The following TMEM181 variants were observed in gnomAD, a reference collection of about 807,000 sequenced individuals.
TMEM181 encodes transmembrane protein 181.
Under a neutral mutation model 71.9 loss-of-function variants are expected in TMEM181, and 39 were observed. The ratio of observed to expected loss-of-function variants is 0.54; its 90% CI spans 0.42 to 0.71. The LOEUF (loss-of-function observed/expected upper bound fraction) is 0.71. Among genes scored for constraint, TMEM181 ranks in the 30% least tolerant of loss-of-function variants. TMEM181 has a pLI of 0.00. For synonymous variants in TMEM181, 245 were observed against 228.8 expected (o/e 1.07, Z -0.64); for missense variants, 595 against 583.0 (o/e 1.02, Z -0.21).
chr6:158,601,266 A>G (rs1784654582), intron 6 of TMEM181, among the ~76,000 whole-genome samples: 1 of 152,226 alleles, frequency 6.6e-6, no homozygotes, highest in Non-Finnish European at 1.5e-5. Flanking sequence ...ATGCTATGAT[A>G]GGCCAGGCAT....
At chr6:158,627,830 G>A (rs1786415327) in intron 13 of TMEM181, among the ~76,000 whole-genome samples, 1 of 152,222 alleles carries the variant, frequency 6.6e-6, no homozygotes, top group South Asian at 2.1e-4. Context: ...AGGGTGGCAT[G>A]TGGGAGGTGA....
upstream of TMEM181, among the ~76,000 whole-genome samples, chr6:158,556,108 G>C (rs925734381): frequency 6.6e-6 from 1 of 152,156 alleles, no homozygotes; most frequent in African/African-American, 2.4e-5. Context: ...TACCAACAAG[G>C]ACTTTTCAGA....
At position 158,633,720 on chromosome 6, in the gene TMEM181, A is replaced by T. The variant is rs1340122719; in HGVS notation, c.*1832A>T. 4 of 152,220 alleles carry T rather than the reference A, an allele frequency of 2.6e-5. No individual in the cohort carries two copies. The highest frequency in any genetic ancestry group is 5.9e-5 in the Non-Finnish European group (4 of 68,034). The allele number at this position is 152,220 out of a possible 1,614,324, so 9.4% of individuals were successfully genotyped here. The stretch of plus-strand genomic sequence containing the variant: ...TATGGATTCTATTCACATTTGTTTT[A>T]AAAACCTTGTAAATATGAATGTTTA... On this transcript the variant is annotated 3_prime_UTR_variant, in exon 17 of 17. Transcript: ENST00000684151.
intron 8 of TMEM181, 55 bp from the exon 9 acceptor site, chr6:158,608,278 T>C: frequency 6.2e-7 from 1 of 1,610,386 alleles, no homozygotes; most frequent in Non-Finnish European, 8.5e-7. Flanking sequence ...GGGTGCTGTC[T>C]GCCAGGTGCT....
At chr6:158,611,431 G>GTCTA (rs933189777) in intron 10 of TMEM181, 262 of 539,116 alleles carry the variant, frequency 4.9e-4, no homozygotes, top group African/African-American at 3.5e-3. Context: ...TGATGTCGAA[G>GTCTA]TCTATCCGTC....
rs180864927 is a variant in TMEM181 at position 158,604,615 on chromosome 6, G to A, written c.493-652G>A. ...GGGACTGTCCAGTCAGCATGAGAAC[G>A]GACTCCTTCAACTGCAGCTCACTCT... On this transcript the variant is annotated intron_variant, in intron 6 of 16. Coordinates refer to ENST00000684151, the MANE Select transcript of TMEM181 (RefSeq NM_001376852.1). Among the ~76,000 whole-genome samples, 378 of 152,226 alleles carry A rather than the reference G, an allele frequency of 2.5e-3. 1 individual carries two copies. Among genetic ancestry groups the A allele is most frequent in the African/African-American group, 8.7e-3 (361 of 41,532 alleles).
chr6:158,611,255 G>GTTCCTT lies in TMEM181; in HGVS notation c.896+2506_896+2511dup, dbSNP rs1396979803. 2.2e-5 allele frequency: 11 copies of GTTCCTT among 497,158 alleles called. No homozygotes were observed. In the East Asian group the frequency reaches 6.4e-4, roughly 29 times the overall value. The allele number at this position is 497,158 out of a possible 1,614,324, so 30.8% of individuals were successfully genotyped here. On this transcript the variant is annotated intron_variant, in intron 10 of 16. Transcript: ENST00000684151. ...AGGGGTGACTGTGACACTCCTGGCT[G>GTTCCTT]TTCCTTCTCAGTCTTGGCTGGTCCT...
At chr6:158,609,587 T>C (rs1785171032) in intron 10 of TMEM181, 1 of 157,354 alleles carries the variant, frequency 6.4e-6, no homozygotes, top group African/African-American at 2.4e-5. Flanking sequence ...TTTTCTGTGT[T>C]CCAGTCGGCC....
intron 13 of TMEM181, among the ~76,000 whole-genome samples, chr6:158,627,121 A>T (rs1044860689): frequency 6.0e-5 from 8 of 132,246 alleles, no homozygotes; most frequent in African/African-American, 2.1e-4. Flanking sequence ...TCACACCCTC[A>T]CACACCCTTG....
upstream of TMEM181, among the ~76,000 whole-genome samples, chr6:158,558,523 G>T (rs1018977375): frequency 6.6e-6 from 1 of 152,188 alleles, no homozygotes; most frequent in African/African-American, 2.4e-5. Context: ...TGGAACTGAG[G>T]CGCAGAGACA....
chr6:158,561,184 T>C (rs998668740), intron 1 of TMEM181, among the ~76,000 whole-genome samples: 1 of 152,234 alleles, frequency 6.6e-6, no homozygotes, highest in Non-Finnish European at 1.5e-5. Flanking sequence ...GCTGTGGACG[T>C]GGTCAGAGAA....
At chr6:158,612,150 C>A (rs192337123) in intron 10 of TMEM181, among the ~76,000 whole-genome samples, 9 of 152,212 alleles carry the variant, frequency 5.9e-5, no homozygotes, top group Admixed American at 3.9e-4. Context: ...GGGTGCCCAG[C>A]TGTGCCCAGC....
chr6:158,580,314 G>A (rs552785009), intron 2 of TMEM181, among the ~76,000 whole-genome samples: 3 of 151,118 alleles, frequency 2.0e-5, no homozygotes, highest in Non-Finnish European at 4.4e-5. Context: ...TGGGCAACAA[G>A]AACAAAAAGA....
intron 1 of TMEM181, among the ~76,000 whole-genome samples, chr6:158,539,082 A>G (rs1053563274): frequency 2.0e-5 from 3 of 152,220 alleles, no homozygotes; most frequent in East Asian, 1.9e-4. Flanking sequence ...CCTGTACTAC[A>G]GCAAGCATTT....
At chr6:158,589,047 G>C (rs1783948620) in intron 5 of TMEM181, among the ~76,000 whole-genome samples, 1 of 152,224 alleles carries the variant, frequency 6.6e-6, no homozygotes, top group Admixed American at 6.5e-5. Context: ...CAAAGCAGAA[G>C]AGACCTGGCT....
intron 1 of TMEM181, 35 bp from the exon 2 acceptor site, chr6:158,573,385 C>G: frequency 1.9e-6 from 3 of 1,538,972 alleles, no homozygotes; most frequent in Non-Finnish European, 1.8e-6. Context: ...CGGGCCTTCC[C>G]CTGACCGTCC....
At chr6:158,630,404 G>A (rs1786593279) in intron 15 of TMEM181, among the ~76,000 whole-genome samples, 1 of 152,058 alleles carries the variant, frequency 6.6e-6, no homozygotes, top group South Asian at 2.1e-4. Flanking sequence ...GCTGAGGAGG[G>A]ACGGTCGCTT....
intron 6 of TMEM181, among the ~76,000 whole-genome samples, chr6:158,591,376 G>A (rs1394333075): frequency 2.0e-5 from 3 of 152,114 alleles, no homozygotes; most frequent in Non-Finnish European, 4.4e-5. Flanking sequence ...TGGGACAGCT[G>A]AGCCGGCTCT....
At chr6:158,621,267 T>C (rs948685343) in intron 10 of TMEM181, 1 of 152,356 alleles carries the variant, frequency 6.6e-6, no homozygotes, top group African/African-American at 2.4e-5. Flanking sequence ...TACTATCTGC[T>C]CTTTCTGGCT....
Sources: allele counts gnomAD v4.1 joint callset (sites outside exome capture counted in the v4.1 genomes callset), GRCh38; gene constraint gnomAD v4.1.1; transcripts MANE v1.5; gene names NCBI Gene and HGNC (gene_info 2026-07-23, HGNC 2026-07-21).